SYT16: variants seen among roughly 807,000 people sequenced by gnomAD.
The protein encoded by SYT16 is synaptotagmin 16, also known as synaptotagmin-16.
Under a neutral mutation model 61.4 loss-of-function variants are expected in SYT16, and 42 were observed. The observed-to-expected ratio is 0.68, with a 90% CI of 0.53 to 0.89. The LOEUF (loss-of-function observed/expected upper bound fraction) is 0.89. SYT16 is among the 40% of genes least tolerant of loss of function. The probability of loss-of-function intolerance (pLI) is 0.00; values close to 1 mark genes in which losing one functional copy is unlikely to be tolerated. For synonymous variants in SYT16, 314 were observed against 302.3 expected, an observed-to-expected ratio of 1.04 and a Z score of -0.40; for missense variants, 804 against 807.3, an observed-to-expected ratio of 1.00 and a Z score of 0.05.
At chr14:61,816,030 G>T (rs539461553) in intron 1 of SYT16, among the ~76,000 whole-genome samples, 1 of 152,274 alleles carries the variant, frequency 6.6e-6, no homozygotes, top group Admixed American at 6.5e-5. Flanking sequence ...CAGTTTTCAG[G>T]TGGATGTGTC....
At chr14:61,865,323 G>C (rs1262335839) in intron 1 of SYT16, 6 of 712,244 alleles carry the variant, frequency 8.4e-6, no homozygotes, top group African/African-American at 7.0e-5. Context: ...CGGAGAGCCT[G>C]AAGCTCTTAG....
chr14:62,079,755 T>C (rs1218555937), intron 5 of SYT16, among the ~76,000 whole-genome samples: 2 of 152,242 alleles, frequency 1.3e-5, no homozygotes, highest in African/African-American at 4.8e-5. Flanking sequence ...AGAATTATTA[T>C]TGACATTATT....
At chr14:61,884,007 C>T (rs1233982458) in intron 1 of SYT16, among the ~76,000 whole-genome samples, 1 of 152,150 alleles carries the variant, frequency 6.6e-6, no homozygotes, top group African/African-American at 2.4e-5. Context: ...CCTGGTCCCA[C>T]CCTTGACATG....
chr14:61,895,602 A>G (rs1337264496), intron 1 of SYT16, among the ~76,000 whole-genome samples: 1 of 152,198 alleles, frequency 6.6e-6, no homozygotes, highest in Admixed American at 6.5e-5. Flanking sequence ...CTCAGTGAAT[A>G]TTAGCTGTAT....
chr14:61,957,637 C>T (rs955638759), intron 1 of SYT16, among the ~76,000 whole-genome samples: 1 of 148,390 alleles, frequency 6.7e-6, no homozygotes, highest in Non-Finnish European at 1.5e-5. Flanking sequence ...ACCATCCTTG[C>T]ATCACAGGGA....
chr14:62,034,085 T>G (rs951532664), intron 3 of SYT16, among the ~76,000 whole-genome samples: 18 of 152,102 alleles, frequency 1.2e-4, no homozygotes, highest in Non-Finnish European at 1.5e-5. Flanking sequence ...AAATGACCAA[T>G]AAGTATATGA....
At chr14:62,008,533 C>T (rs948860637) in intron 3 of SYT16, among the ~76,000 whole-genome samples, 19 of 151,962 alleles carry the variant, frequency 1.3e-4, no homozygotes, top group Admixed American at 5.9e-4. Context: ...GAATTGAAAT[C>T]CCCTAAGAAG....
intron 1 of SYT16, among the ~76,000 whole-genome samples, chr14:61,852,494 A>G (rs1201313483): frequency 1.3e-5 from 2 of 152,228 alleles, no homozygotes; most frequent in African/African-American, 4.8e-5. Context: ...CATTGAATCT[A>G]TAAACTACTT....
intron 1 of SYT16, among the ~76,000 whole-genome samples, chr14:61,850,699 G>T (rs2046588245): frequency 6.6e-6 from 1 of 152,006 alleles, no homozygotes; most frequent in African/African-American, 2.4e-5. Context: ...CTATTGCTTT[G>T]GTTTGGATGA....
chr14:61,976,549 C>T (rs1001614784), intron 2 of SYT16, among the ~76,000 whole-genome samples: 5 of 152,198 alleles, frequency 3.3e-5, no homozygotes, highest in African/African-American at 1.2e-4. Flanking sequence ...TCTGTGCACC[C>T]ACAGGCCCAA....
In SYT16 at chr14:61,856,062, T is replaced by C. The variant is rs564812467; in HGVS notation, c.-325+43252T>C. Among the ~76,000 whole-genome samples, 7 of 152,212 alleles carry C rather than the reference T, an allele frequency of 4.6e-5. No individual in the cohort carries two copies. The South Asian group carries it at 1.4e-3, about 32-fold the overall frequency. On this transcript the variant is annotated intron_variant, in intron 1 of 7. Transcript: ENST00000683842. ...AGGGATGGCGGGGGGTCAGTCCACCTGGAGCAGAGCGAGTGGAAGGGAGTG... is the reference window on the plus strand; with the variant it reads ...AGGGATGGCGGGGGGTCAGTCCACCCGGAGCAGAGCGAGTGGAAGGGAGTG...
chr14:61,978,456 C>T (rs1031821511), intron 2 of SYT16, among the ~76,000 whole-genome samples: 1 of 152,230 alleles, frequency 6.6e-6, no homozygotes, highest in African/African-American at 2.4e-5. Flanking sequence ...TATTTTCTAA[C>T]TGTAACCTCA....
At position 62,044,330 on chromosome 14, in the gene SYT16, A is replaced by ATGTGCAGAT. The variant is rs2054872932; in HGVS notation, c.524-25266_524-25265insATTGTGCAG. Among the ~76,000 whole-genome samples the ATGTGCAGAT allele has an allele frequency of 2.6e-5, 4 of 152,306 alleles. No individual in the cohort carries two copies. In the South Asian group the frequency reaches 8.3e-4, roughly 32 times the overall value. On this transcript the variant is annotated intron_variant, in intron 3 of 7. Transcript: ENST00000683842. Reference sequence around the variant, plus strand: ...TTAATTTCTGGGATACATGTGCAGAATGTGCAGGTTTGTTACATAGGTATA... The same window carrying ATGTGCAGAT: ...TTAATTTCTGGGATACATGTGCAGAATGTGCAGATTGTGCAGGTTTGTTACATAGGTATA...
intron 1 of SYT16, among the ~76,000 whole-genome samples, chr14:61,944,594 A>G (rs989342567): frequency 2.6e-5 from 4 of 152,222 alleles, no homozygotes; most frequent in African/African-American, 2.4e-5. Context: ...TACATCTACA[A>G]CCATGTGATC....
chr14:61,898,294 C>T (rs1296108224), intron 1 of SYT16, among the ~76,000 whole-genome samples: 1 of 152,138 alleles, frequency 6.6e-6, no homozygotes, highest in Non-Finnish European at 1.5e-5. Context: ...AGATATAGAC[C>T]TTTTAACCAG....
intron 3 of SYT16, among the ~76,000 whole-genome samples, chr14:62,006,108 A>T (rs1027964149): frequency 7.9e-5 from 12 of 152,158 alleles, no homozygotes; most frequent in African/African-American, 2.9e-4. Flanking sequence ...CAAAATATTT[A>T]AATACCCTGA....
chr14:62,033,410 T>A (rs1244860142), intron 3 of SYT16, among the ~76,000 whole-genome samples: 1 of 152,154 alleles, frequency 6.6e-6, no homozygotes, highest in Non-Finnish European at 1.5e-5. Flanking sequence ...AAATGTGGTC[T>A]ATCCATCAAA....
intron 2 of SYT16, among the ~76,000 whole-genome samples, chr14:61,981,669 C>T (rs1175222248): frequency 6.6e-6 from 1 of 152,114 alleles, no homozygotes; most frequent in Non-Finnish European, 1.5e-5. Context: ...TTGTCCCCTG[C>T]TTGAGAATTT....
At chr14:61,993,967 C>T (rs1358259152) in intron 2 of SYT16, among the ~76,000 whole-genome samples, 1 of 152,088 alleles carries the variant, frequency 6.6e-6, no homozygotes, top group Non-Finnish European at 1.5e-5. Context: ...CATTCTAGAG[C>T]AGGAGACAGG....
Sources: gnomAD v4.1 joint callset for allele counts (sites outside exome capture counted in the v4.1 genomes callset) on GRCh38, gnomAD v4.1.1 for gene constraint, MANE v1.5 for transcripts, NCBI Gene and HGNC (gene_info 2026-07-23, HGNC 2026-07-21) for gene names.